The following DLX4 variants were observed in gnomAD, a reference collection of about 807,000 sequenced individuals.
The protein encoded by DLX4 is distal-less homeobox 4, also known as homeobox protein DLX-4.
A neutral mutation model predicts 17.1 loss-of-function variants in DLX4; 13 were observed. That is an observed-to-expected ratio of 0.76 (90% CI 0.49 to 1.21). The LOEUF is 1.21. DLX4 is among the 50% of genes most tolerant of loss of function. DLX4 has a pLI of 0.00. For synonymous variants in DLX4, 129 were observed against 140.3 expected, an observed-to-expected ratio of 0.92 and a Z score of 0.57; for missense variants, 297 against 301.4, an observed-to-expected ratio of 0.99 and a Z score of 0.11.
rs987412876 is a variant in DLX4, at chr17:49,972,955, G to T, written c.284-118G>T. The T allele has an allele frequency of 2.0e-6, 3 of 1,523,804 alleles. No homozygotes were observed. In the Admixed American group the frequency reaches 6.1e-5, roughly 31 times the overall value. 94.4% of individuals were successfully genotyped at this position (1,523,804 alleles called of 1,614,324 possible). On this transcript the variant is annotated intron_variant, in intron 1 of 2. Coordinates refer to ENST00000240306, the MANE Select transcript of DLX4 (RefSeq NM_138281.3). This position sits in a 1 kb window ranked among gnomAD's most constrained non-coding sequence, Gnocchi z 5.4. Reference sequence around the variant, plus strand: ...CCAAGGGGGCGATCCTGGTGGCTGCGCTTTTTGCTATTTGCTGCCGACGGC... The same window carrying T: ...CCAAGGGGGCGATCCTGGTGGCTGCTCTTTTTGCTATTTGCTGCCGACGGC...
At chr17:49,969,095 G>A (rs1002442414), upstream of DLX4, 4 of 217,496 alleles carry the variant, frequency 1.8e-5, no homozygotes, top group Non-Finnish European at 3.6e-5. Flanking sequence ...CTTCTCTACA[G>A]CGGGCTGTCC....
rs868378984 is a variant in DLX4, at chr17:49,969,200, G to C, written c.-269G>C. ...GAGGGCGGGGCCCCCGTCGGGTCCCGGGAACCGAACCCGATGGAGAGGAGG... is the reference window on the plus strand; with the variant it reads ...GAGGGCGGGGCCCCCGTCGGGTCCCCGGAACCGAACCCGATGGAGAGGAGG... On this transcript the variant is annotated 5_prime_UTR_variant, in exon 1 of 3. Transcript: ENST00000240306. 2 of 361,322 alleles carry C rather than the reference G, an allele frequency of 5.5e-6. No homozygotes were observed. Among genetic ancestry groups the C allele is most frequent in the Admixed American group, 4.8e-5 (1 of 20,754 alleles). 22.4% of individuals were successfully genotyped at this position (361,322 alleles called of 1,614,324 possible).
intron 1 of DLX4, among the ~76,000 whole-genome samples, chr17:49,970,941 C>A (rs2144158831): frequency 6.6e-6 from 1 of 152,258 alleles, no homozygotes; most frequent in East Asian, 1.9e-4. Context: ...CTTCCTCCAA[C>A]CCCCCCAAAA....
At chr17:49,971,551 G>A (rs1354543745) in intron 1 of DLX4, among the ~76,000 whole-genome samples, 1 of 152,044 alleles carries the variant, frequency 6.6e-6, no homozygotes, top group Admixed American at 6.6e-5. Flanking sequence ...GCAGCTGTCC[G>A]GGAAGGAACT....
At position 49,969,374 on chromosome 17, in the gene DLX4, C is replaced by T. The variant is rs1361103308; in HGVS notation, c.-95C>T. 2.9e-6 allele frequency: 4 copies of T among 1,380,770 alleles called. No homozygotes were observed. Among genetic ancestry groups the T allele is most frequent in the South Asian group, 1.5e-5 (1 of 68,794 alleles). The allele number at this position is 1,380,770 out of a possible 1,614,324, so 85.5% of individuals were successfully genotyped here. ...TGTGGGGGCTGCTGGCTGGGGGGCC[C>T]GTCCGGCCCAACGCCGGAGGCTTGG... On this transcript the variant is annotated 5_prime_UTR_variant, in exon 1 of 3. Coordinates refer to ENST00000240306, the MANE Select transcript of DLX4 (RefSeq NM_138281.3).
chr17:49,972,980 C>CA lies in DLX4; in HGVS notation c.284-92dup. 3 of 1,537,256 alleles carry CA rather than the reference C, an allele frequency of 2.0e-6. No homozygotes were observed. Among genetic ancestry groups the CA allele is most frequent in the Admixed American group, 2.0e-5 (1 of 50,846 alleles). ...GCTTTTTGCTATTTGCTGCCGACGG[C>CA]ATGCAGACGAGATGCAAATAAGCTT... On this transcript the variant is annotated intron_variant, in intron 1 of 2. Coordinates refer to ENST00000240306, the MANE Select transcript of DLX4 (RefSeq NM_138281.3). This position sits in a 1 kb window ranked among gnomAD's most constrained non-coding sequence, Gnocchi z 5.4.
chr17:49,969,416 C>T lies in DLX4; in HGVS notation c.-53C>T, dbSNP rs1905418323. The T allele has an allele frequency of 5.4e-6, 8 of 1,467,974 alleles. No individual in the cohort carries two copies. The highest frequency in any genetic ancestry group is 7.2e-6 in the Non-Finnish European group (8 of 1,115,298). The allele number at this position is 1,467,974 out of a possible 1,614,324, so 90.9% of individuals were successfully genotyped here. On this transcript the variant is annotated 5_prime_UTR_variant, in exon 1 of 3. Transcript: ENST00000240306. Reference sequence around the variant, plus strand: ...GAGGCTTGGAAAAGAGAGTTGGCAGCGGGAGCGGACTACGTGCCGGGCCAT... The same window carrying T: ...GAGGCTTGGAAAAGAGAGTTGGCAGTGGGAGCGGACTACGTGCCGGGCCAT...
At position 49,974,065 on chromosome 17, in the gene DLX4, A is replaced by G; in HGVS notation, c.*122A>G. ...CCAGATGGGTTTTCTCTGGAGGACA[A>G]GCAGTTAGAGGAGAAAAAGGAATGG... On this transcript the variant is annotated 3_prime_UTR_variant, in exon 3 of 3. Transcript: ENST00000240306. 1 of 1,326,392 alleles carries G rather than the reference A, an allele frequency of 7.5e-7. No homozygotes were observed. Among genetic ancestry groups the G allele is most frequent in the Non-Finnish European group, 1.0e-6 (1 of 1,002,104 alleles). The allele number at this position is 1,326,392 out of a possible 1,614,324, so 82.2% of individuals were successfully genotyped here.
At position 49,973,970 on chromosome 17, in the gene DLX4, C is replaced by T. The variant is rs1204724080; in HGVS notation, c.*27C>T. 3.8e-6 allele frequency: 6 copies of T among 1,583,046 alleles called. No homozygotes were observed. In the African/African-American group the frequency reaches 4.0e-5, roughly 11 times the overall value. Reference sequence around the variant, plus strand: ...TCTGGGGAAGGGCGGGTCAGGCCCACAGCCTTCCTGCAAAGCCCAGGACCC... The same window carrying T: ...TCTGGGGAAGGGCGGGTCAGGCCCATAGCCTTCCTGCAAAGCCCAGGACCC... On this transcript the variant is annotated 3_prime_UTR_variant, in exon 3 of 3. Coordinates refer to ENST00000240306, the MANE Select transcript of DLX4 (RefSeq NM_138281.3).
At position 49,973,237 on chromosome 17, in the gene DLX4, C is replaced by G; in HGVS notation, c.448C>G (p.Leu150Val). ...QYLALPERAQLAAQLGLTQTQ... is the reference protein window; with the variant it reads ...QYLALPERAQVAAQLGLTQTQ... ...CCTGGCGCTGCCCGAGAGGGCCCAG[C>G]TGGCAGCGCAGCTCGGCCTCACCCA... The change falls in exon 2 of 3, where the codon CTG (leucine) becomes GTG (valine). Residue 150 changes from leucine (L) to valine (V), a missense_variant. Transcript: ENST00000240306. 1 of 1,614,092 alleles carries G rather than the reference C, an allele frequency of 6.2e-7. No individual in the cohort carries two copies. Among genetic ancestry groups the G allele is most frequent in the East Asian group, 2.2e-5 (1 of 44,878 alleles).
Position 49,974,370 on chromosome 17 carries a change from A to AT in DLX4, c.*436dup, listed in dbSNP as rs201251660. ...GCAAAATCAGCAAGAAACATTGAGT[A>AT]TTTTTTTTTCTTTGTATGCCTTTGG... On this transcript the variant is annotated 3_prime_UTR_variant, in exon 3 of 3. Transcript: ENST00000240306. The AT allele has an allele frequency of 5.2e-3, 810 of 154,632 alleles. 8 individuals carry two copies. Among genetic ancestry groups the AT allele is most frequent in the African/African-American group, 0.018 (755 of 41,404 alleles). 9.6% of individuals were successfully genotyped at this position (154,632 alleles called of 1,614,324 possible). A position where few individuals can be genotyped will look rare whatever the true frequency, so the allele number is the denominator to read the frequency against.
intron 2 of DLX4, 98 bp downstream of exon 2, chr17:49,973,367 G>A: frequency 1.3e-6 from 2 of 1,492,662 alleles, no homozygotes; most frequent in African/African-American, 1.4e-5. Context: ...GATTGGTGCT[G>A]TGGCCCTGTT....
intron 2 of DLX4, 117 bp from the exon 3 acceptor site, chr17:49,973,584 T>C: frequency 7.6e-7 from 1 of 1,315,642 alleles, no homozygotes; most frequent in African/African-American, 1.5e-5. Context: ...GTTCCCAGCC[T>C]AGGGAACTGC....
Position 49,973,351 on chromosome 17 carries a change from C to G in DLX4, c.480+82C>G, listed in dbSNP as rs1446076005. ...ATCCCCCAGCCCCAGCTGTGAATGA[C>G]TGATGGATTGGTGCTGTGGCCCTGT... is the stretch of plus-strand genomic sequence containing the variant. On this transcript the variant is annotated intron_variant, in intron 2 of 2. Transcript: ENST00000240306. 5 of 1,537,060 alleles carry G rather than the reference C, an allele frequency of 3.3e-6. No individual in the cohort carries two copies. In the South Asian group the frequency reaches 5.9e-5, roughly 18 times the overall value.
rs1392017077 is a variant in DLX4, at chr17:49,974,516, A to T, written c.*573A>T. ...CATAACTGATTTACCTACTTACCAT[A>T]CTGGGAGGTAGAAGAGATGCAGAGA... On this transcript the variant is annotated 3_prime_UTR_variant, in exon 3 of 3. Coordinates refer to ENST00000240306, the MANE Select transcript of DLX4 (RefSeq NM_138281.3). 6.7e-6 allele frequency: 1 copy of T among 148,710 alleles called. No individual in the cohort carries two copies. Among genetic ancestry groups the T allele is most frequent in the Non-Finnish European group, 1.5e-5 (1 of 67,542 alleles). 9.2% of individuals were successfully genotyped at this position (148,710 alleles called of 1,614,324 possible).
chr17:49,968,627 G>C (rs567607638), upstream of DLX4, among the ~76,000 whole-genome samples: 1,498 of 152,048 alleles, frequency 9.9e-3, 20 homozygotes, highest in African/African-American at 0.033. Flanking sequence ...GTCTCGGCGT[G>C]CCAGGCCCAG....
At chr17:49,973,037 T>A (rs778378113) in intron 1 of DLX4, 36 bp from the exon 2 acceptor site, 1 of 1,607,756 alleles carries the variant, frequency 6.2e-7, no homozygotes, top group Non-Finnish European at 8.5e-7. Context: ...CCTCGCTCCC[T>A]CCTCGCCCCC....
rs1905417191 is a variant in DLX4 at position 49,969,394 on chromosome 17, G to T, written c.-75G>T. On this transcript the variant is annotated 5_prime_UTR_variant, in exon 1 of 3. Transcript: ENST00000240306. Reference sequence around the variant, plus strand: ...GGGCCCGTCCGGCCCAACGCCGGAGGCTTGGAAAAGAGAGTTGGCAGCGGG... The same window carrying T: ...GGGCCCGTCCGGCCCAACGCCGGAGTCTTGGAAAAGAGAGTTGGCAGCGGG... 23 of 1,458,636 alleles carry T rather than the reference G, an allele frequency of 1.6e-5. No homozygotes were observed. Among genetic ancestry groups the T allele is most frequent in the Non-Finnish European group, 1.7e-5 (19 of 1,108,630 alleles). 90.4% of individuals were successfully genotyped at this position (1,458,636 alleles called of 1,614,324 possible).
chr17:49,970,446 G>A lies in DLX4; in HGVS notation c.283+695G>A, dbSNP rs1395801750. ...CCTCAGCCTTCCAGCCAAAGGAGCC[G>A]GCCATCGCTGTCATCTCCACTCTTT... On this transcript the variant is annotated intron_variant, in intron 1 of 2. Coordinates refer to ENST00000240306, the MANE Select transcript of DLX4 (RefSeq NM_138281.3). 4.6e-5 allele frequency among the ~76,000 whole-genome samples: 7 copies of A among 152,276 alleles called. No homozygotes were observed. The East Asian group carries it at 1.4e-3, about 29-fold the overall frequency.
Sources: gnomAD v4.1 joint callset for allele counts (sites outside exome capture counted in the v4.1 genomes callset) on GRCh38, gnomAD v4.1.1 for gene constraint, Gnocchi (gnomAD v3.1) non-coding constraint, MANE v1.5 for transcripts, NCBI Gene and HGNC (gene_info 2026-07-23, HGNC 2026-07-21) for gene names.